The following SMOC2 variants were observed in gnomAD, a reference collection of about 807,000 sequenced individuals.
The protein encoded by SMOC2 is SPARC related modular calcium binding 2.
SMOC2 carries 39 observed loss-of-function variants against 61.4 expected under a neutral mutation model. The ratio of observed to expected loss-of-function variants is 0.64; its 90% CI spans 0.49 to 0.83. SMOC2 has a LOEUF of 0.83. Ranked by LOEUF, SMOC2 falls within the 40% of genes least tolerant of loss-of-function variation. SMOC2 has a pLI of 0.00. For missense variants in SMOC2, 556 were observed against 592.9 expected, an observed-to-expected ratio of 0.94 and a Z score of 0.65; for synonymous variants, 247 against 239.9, an observed-to-expected ratio of 1.03 and a Z score of -0.27.
At chr6:168,600,627 G>A (rs1785527246) in intron 8 of SMOC2, among the ~76,000 whole-genome samples, 1 of 152,164 alleles carries the variant, frequency 6.6e-6, no homozygotes, top group African/African-American at 2.4e-5. Context: ...GGGTGGAAAC[G>A]TGGACGGCAT....
chr6:168,518,897 G>T (rs536926895), intron 2 of SMOC2, among the ~76,000 whole-genome samples: 1 of 150,838 alleles, frequency 6.6e-6, no homozygotes, highest in South Asian at 2.1e-4. Flanking sequence ...ATGCGTGTGT[G>T]TGCGTGCATG....
intron 4 of SMOC2, among the ~76,000 whole-genome samples, chr6:168,537,172 T>C (rs1236950813): frequency 2.7e-5 from 4 of 150,758 alleles, no homozygotes; most frequent in Non-Finnish European, 4.4e-5. Context: ...TTCATCCTAA[T>C]ACAGCAGTCT....
intron 1 of SMOC2, among the ~76,000 whole-genome samples, chr6:168,465,373 C>T (rs1165001791): frequency 2.0e-5 from 3 of 151,596 alleles, no homozygotes; most frequent in East Asian, 1.9e-4. Flanking sequence ...CCAAAATTTC[C>T]GGGCTCTTCA....
At chr6:168,503,278 A>G (rs896425585) in intron 1 of SMOC2, among the ~76,000 whole-genome samples, 2 of 144,838 alleles carry the variant, frequency 1.4e-5, no homozygotes, top group East Asian at 4.3e-4. Flanking sequence ...GGGTTTCAGC[A>G]TGTTGGCCAG....
intron 11 of SMOC2, among the ~76,000 whole-genome samples, chr6:168,661,102 A>G (rs897978063): frequency 1.6e-5 from 2 of 127,560 alleles, no homozygotes; most frequent in African/African-American, 6.1e-5. Context: ...CAGCCCTTTC[A>G]TTTTCCTTAC....
At chr6:168,588,750 G>A (rs1265746932) in intron 7 of SMOC2, among the ~76,000 whole-genome samples, 2 of 152,108 alleles carry the variant, frequency 1.3e-5, no homozygotes, top group African/African-American at 4.8e-5. Flanking sequence ...GACTACTACA[G>A]ACTTAAATAC....
intron 4 of SMOC2, among the ~76,000 whole-genome samples, chr6:168,529,274 C>T (rs888633551): frequency 6.6e-6 from 1 of 152,082 alleles, no homozygotes; most frequent in Non-Finnish European, 1.5e-5. Context: ...AGTAGATGGC[C>T]CTTTGCATAT....
intron 7 of SMOC2, among the ~76,000 whole-genome samples, chr6:168,577,150 T>C (rs1430121359): frequency 6.6e-6 from 1 of 152,216 alleles, no homozygotes; most frequent in Admixed American, 6.5e-5. Flanking sequence ...TGTAAGACTC[T>C]GCTGGACCAG....
At chr6:168,659,535 G>GAGGTTGTAGGTTGGGTGAAGGTGA in intron 11 of SMOC2, among the ~76,000 whole-genome samples, 1 of 151,812 alleles carries the variant, frequency 6.6e-6, no homozygotes, top group African/African-American at 2.4e-5. Context: ...GGTGAGGATG[G>GAGGTTGTAGGTTGGGTGAAGGTGA]AGGTTGTTGG....
intron 1 of SMOC2, among the ~76,000 whole-genome samples, chr6:168,487,811 C>T (rs1782370530): frequency 6.6e-6 from 1 of 152,218 alleles, no homozygotes; most frequent in East Asian, 1.9e-4. Context: ...CCAAAAATTA[C>T]CTTTTGATTA....
intron 1 of SMOC2, among the ~76,000 whole-genome samples, chr6:168,442,070 C>A (rs1360119076): frequency 6.6e-6 from 1 of 152,248 alleles, no homozygotes; most frequent in Non-Finnish European, 1.5e-5. Flanking sequence ...CTCCCAGAGA[C>A]CCTCGTAAGT....
intron 1 of SMOC2, among the ~76,000 whole-genome samples, chr6:168,442,981 C>T (rs1232553926): frequency 1.3e-5 from 2 of 152,238 alleles, no homozygotes. Context: ...CACATCTGTA[C>T]ATGCATCTAG....
intron 1 of SMOC2, among the ~76,000 whole-genome samples, chr6:168,456,263 C>T (rs531618548): frequency 1.3e-4 from 20 of 152,294 alleles, no homozygotes; most frequent in African/African-American, 4.3e-4. Context: ...TTTATGACTG[C>T]GATTAGCTGT....
At chr6:168,632,908 C>A (rs1786605835) in intron 9 of SMOC2, among the ~76,000 whole-genome samples, 1 of 152,152 alleles carries the variant, frequency 6.6e-6, no homozygotes, top group Non-Finnish European at 1.5e-5. Flanking sequence ...CCTGGGGAAG[C>A]CTTTTGGGTC....
At chr6:168,447,987 C>T (rs1290161220) in intron 1 of SMOC2, among the ~76,000 whole-genome samples, 4 of 152,160 alleles carry the variant, frequency 2.6e-5, no homozygotes, top group Non-Finnish European at 2.9e-5. Flanking sequence ...CATTTGATTT[C>T]TTCTTGGGAT....
chr6:168,569,041 G>T (rs1021792543), intron 7 of SMOC2, among the ~76,000 whole-genome samples: 1 of 152,160 alleles, frequency 6.6e-6, no homozygotes, highest in Admixed American at 6.5e-5. Flanking sequence ...TGGACATCAG[G>T]GTTCAGCACA....
intron 1 of SMOC2, among the ~76,000 whole-genome samples, chr6:168,494,621 C>T (rs778953795): frequency 6.6e-5 from 10 of 152,358 alleles, no homozygotes; most frequent in East Asian, 1.9e-4. Context: ...CTTTGACTTA[C>T]GCTGCTTAGA....
intron 7 of SMOC2, among the ~76,000 whole-genome samples, chr6:168,581,727 G>C (rs1784923429): frequency 6.6e-6 from 1 of 152,160 alleles, no homozygotes; most frequent in South Asian, 2.1e-4. Flanking sequence ...AGGTGGGATG[G>C]GTGATGTGAA....
chr6:168,629,335 G>T (rs1004631797), intron 9 of SMOC2, among the ~76,000 whole-genome samples: 1 of 152,238 alleles, frequency 6.6e-6, no homozygotes, highest in Non-Finnish European at 1.5e-5. Context: ...ATCAAGATAG[G>T]GCGGTCCCCC....
Sources: gnomAD v4.1 joint callset for allele counts (sites outside exome capture counted in the v4.1 genomes callset) on GRCh38, gnomAD v4.1.1 for gene constraint, MANE v1.5 for transcripts, NCBI Gene and HGNC (gene_info 2026-07-23, HGNC 2026-07-21) for gene names.